The following SNX7 variants were observed in gnomAD, a reference collection of about 807,000 sequenced individuals.
SNX7 encodes sorting nexin-7.
SNX7 carries 35 observed loss-of-function variants against 48.4 expected under a neutral mutation model. That is an observed-to-expected ratio of 0.72 (90% CI 0.55 to 0.96). SNX7 has a LOEUF of 0.96. Among genes scored for constraint, SNX7 ranks in the 40% least tolerant of loss-of-function variants. The pLI is 0.00. For synonymous variants in SNX7, 190 were observed against 190.2 expected (o/e 1.00, Z 0.01); for missense variants, 553 against 548.9 (o/e 1.01, Z -0.07).
intron 7 of SNX7, among the ~76,000 whole-genome samples, chr1:98,725,613 C>G (rs1653124272): frequency 6.6e-6 from 1 of 152,076 alleles, no homozygotes; most frequent in Admixed American, 6.5e-5. Context: ...GGCTTTTATT[C>G]TTCTTAGATT....
chr1:98,746,649 G>C (rs1329418795), intron 8 of SNX7, among the ~76,000 whole-genome samples: 4 of 152,024 alleles, frequency 2.6e-5, no homozygotes, highest in African/African-American at 9.7e-5. Context: ...TAACCATGAG[G>C]TCTTGACAGA....
chr1:98,725,705 T>G (rs1459377060), intron 7 of SNX7, among the ~76,000 whole-genome samples: 3 of 152,108 alleles, frequency 2.0e-5, no homozygotes, highest in Non-Finnish European at 2.9e-5. Flanking sequence ...TTTGCATATT[T>G]TTGTCTTAGG....
intron 7 of SNX7, among the ~76,000 whole-genome samples, chr1:98,724,570 C>T (rs9727477): frequency 0.55 from 84,025 of 151,994 alleles, 24,276 homozygotes; most frequent in Non-Finnish European, 0.64. Context: ...ATTGTGCTAA[C>T]ATATGACCTT....
chr1:98,739,541 A>G (rs761060272), intron 8 of SNX7, among the ~76,000 whole-genome samples: 1 of 152,212 alleles, frequency 6.6e-6, no homozygotes, highest in Non-Finnish European at 1.5e-5. Flanking sequence ...ATGTAGTTAC[A>G]GCCAATGAAG....
chr1:98,725,842 A>G (rs1653137228), intron 7 of SNX7, among the ~76,000 whole-genome samples: 1 of 152,152 alleles, frequency 6.6e-6, no homozygotes. Context: ...GGCTTCAACT[A>G]TCTGATTTGG....
chr1:98,715,057 A>G (rs563617273), intron 7 of SNX7, among the ~76,000 whole-genome samples: 4 of 152,194 alleles, frequency 2.6e-5, no homozygotes, highest in South Asian at 2.1e-4. Context: ...CTATATAACT[A>G]TAGTACAACC....
chr1:98,735,603 G>A (rs1653733274), intron 7 of SNX7, among the ~76,000 whole-genome samples: 1 of 152,094 alleles, frequency 6.6e-6, no homozygotes, highest in Admixed American at 6.6e-5. Flanking sequence ...AGAAGACAGT[G>A]AATTAATGTC....
chr1:98,705,737 T>A (rs1425328707), intron 7 of SNX7, among the ~76,000 whole-genome samples: 1 of 152,126 alleles, frequency 6.6e-6, no homozygotes, highest in African/African-American at 2.4e-5. Context: ...GACTTAAAGA[T>A]GGACTGTAGT....
At chr1:98,693,454 CAGAT>C (rs1287450683) in intron 4 of SNX7, among the ~76,000 whole-genome samples, 2 of 152,214 alleles carry the variant, frequency 1.3e-5, no homozygotes, top group African/African-American at 2.4e-5. Context: ...TCAATCTTGA[CAGAT>C]AGTCCTCTAT....
intron 7 of SNX7, among the ~76,000 whole-genome samples, chr1:98,726,722 T>C (rs1257240515): frequency 6.6e-6 from 1 of 152,130 alleles, no homozygotes; most frequent in Admixed American, 6.5e-5. Context: ...CTTATTTTAT[T>C]TTAAAAAGAA....
chr1:98,752,282 T>A (rs191485232), intron 8 of SNX7, among the ~76,000 whole-genome samples: 129 of 152,166 alleles, frequency 8.5e-4, no homozygotes, highest in African/African-American at 3.0e-3. Context: ...CAAAGAAATT[T>A]AAGGAGCCTT....
intron 8 of SNX7, among the ~76,000 whole-genome samples, chr1:98,743,030 TAAA>T (rs1464351637): frequency 6.6e-6 from 1 of 151,914 alleles, no homozygotes; most frequent in East Asian, 1.9e-4. Context: ...TCATTACTAT[TAAA>T]AATAATTATA....
At chr1:98,688,225 A>C (rs1394355009) in intron 2 of SNX7, among the ~76,000 whole-genome samples, 1 of 152,220 alleles carries the variant, frequency 6.6e-6, no homozygotes, top group Non-Finnish European at 1.5e-5. Flanking sequence ...ATACACATAC[A>C]TACATGGACA....
chr1:98,692,840 G>A (rs1651220596), intron 4 of SNX7, among the ~76,000 whole-genome samples: 1 of 152,088 alleles, frequency 6.6e-6, no homozygotes, highest in Non-Finnish European at 1.5e-5. Context: ...ATGTGCATAC[G>A]TTTTGATAAA....
rs547908660 is a variant in SNX7 at position 98,661,875 on chromosome 1, G to A, written c.144G>A (p.Leu48=). The change falls in exon 1 of 9, where the codon CTG becomes CTA. Residue 48 remains leucine, a synonymous_variant. Transcript: ENST00000306121. ...TGCTGCAGGCGGAGGTGCTGGATCT[G>A]GACGAGGACGAGGACGACCTGGAGG... ...SALLQAEVLD[L]DEDEDDLEVF... 102 of 1,247,072 alleles carry A rather than the reference G, an allele frequency of 8.2e-5. 1 individual carries two copies. In the South Asian group the frequency reaches 3.5e-3, roughly 42 times the overall value. The allele number at this position is 1,247,072 out of a possible 1,614,324, so 77.3% of individuals were successfully genotyped here. A position where few individuals can be genotyped will look rare whatever the true frequency, so the allele number is the denominator to read the frequency against.
At chr1:98,691,744 A>G (rs1651140532) in intron 4 of SNX7, 45 bp downstream of exon 4, 3 of 1,445,596 alleles carry the variant, frequency 2.1e-6, no homozygotes, top group African/African-American at 1.4e-5. Flanking sequence ...GGGTGTCTGT[A>G]TCTATAGTAG....
intron 8 of SNX7, among the ~76,000 whole-genome samples, chr1:98,742,863 A>G (rs749849574): frequency 5.9e-5 from 9 of 152,018 alleles, no homozygotes; most frequent in Admixed American, 2.6e-4. Flanking sequence ...TTGTGTCACA[A>G]TGATTAAAAT....
At chr1:98,746,238 T>G (rs1244964678) in intron 8 of SNX7, among the ~76,000 whole-genome samples, 2 of 152,050 alleles carry the variant, frequency 1.3e-5, no homozygotes, top group African/African-American at 2.4e-5. Flanking sequence ...TTTTAAAAAT[T>G]GACTATTATA....
intron 1 of SNX7, among the ~76,000 whole-genome samples, chr1:98,673,569 C>CT (rs772967899): frequency 6.6e-6 from 1 of 152,214 alleles, no homozygotes; most frequent in Non-Finnish European, 1.5e-5. Context: ...AGCAGGAACT[C>CT]TACCAGTCTT....
Sources: gnomAD v4.1 joint callset for allele counts (sites outside exome capture counted in the v4.1 genomes callset) on GRCh38, gnomAD v4.1.1 for gene constraint, MANE v1.5 for transcripts, NCBI Gene and HGNC (gene_info 2026-07-23, HGNC 2026-07-21) for gene names.